The following U2AF2 variants were observed in gnomAD, a reference collection of about 807,000 sequenced individuals.
The protein encoded by U2AF2 is splicing factor U2AF 65 kDa subunit.
Under a neutral mutation model 52.6 loss-of-function variants are expected in U2AF2, and 6 were observed. That is an observed-to-expected ratio of 0.11 (90% CI 0.06 to 0.23). The LOEUF (loss-of-function observed/expected upper bound fraction) is 0.23. U2AF2 is among the 10% of genes least tolerant of loss of function. The probability of loss-of-function intolerance (pLI) is 1.00; values close to 1 mark genes in which losing one functional copy is unlikely to be tolerated. For missense variants in U2AF2, 222 were observed against 677.1 expected, an observed-to-expected ratio of 0.33 and a Z score of 7.46; for synonymous variants, 284 against 258.2, an observed-to-expected ratio of 1.10 and a Z score of -0.96.
intron 3 of U2AF2, 129 bp downstream of exon 3, chr19:55,660,350 C>T: frequency 1.7e-6 from 2 of 1,186,998 alleles, no homozygotes; most frequent in Non-Finnish European, 2.4e-6. Context: ...ACCTTGAAAC[C>T]AGCACCCCTT....
intron 4 of U2AF2, 123 bp downstream of exon 4, chr19:55,660,742 CT>C: frequency 1.0e-6 from 1 of 976,738 alleles, no homozygotes; most frequent in Admixed American, 2.8e-5. Context: ...TTGCACACCC[CT>C]GGGGGTTCTG....
rs1821194218 is a variant in U2AF2, at chr19:55,668,480, TG to T, written c.743-26del. ...TTGGGAGATAACCTGGTACTGGAATTGAAGTCCTCCTCTTCTCTACCCATAG... is the reference window on the plus strand; with the variant it reads ...TTGGGAGATAACCTGGTACTGGAATTAAGTCCTCCTCTTCTCTACCCATAG... On this transcript the variant is annotated intron_variant, in intron 7 of 11. Transcript: ENST00000308924. The surrounding 1 kb of genome is among the most constrained non-coding windows in gnomAD (Gnocchi z 5.5). 6.5e-7 allele frequency: 1 copy of T among 1,549,730 alleles called. No individual in the cohort carries two copies. The highest frequency in any genetic ancestry group is 1.4e-5 in the African/African-American group (1 of 72,964).
In U2AF2 at chr19:55,669,567, C is replaced by G; in HGVS notation, c.1168C>G (p.Leu390Val). The G allele has an allele frequency of 6.2e-7, 1 of 1,613,956 alleles. No individual in the cohort carries two copies. Among genetic ancestry groups the G allele is most frequent in the Non-Finnish European group, 8.5e-7 (1 of 1,179,918 alleles). The change falls in exon 11 of 12, where the codon CTG becomes GTG. Residue 390 changes from leucine to valine, a missense_variant. This residue lies in a region of U2AF2 where 71 missense variants were observed against 180.6 expected (regional missense o/e 0.39). Coordinates refer to ENST00000308924, the MANE Select transcript of U2AF2 (RefSeq NM_007279.3). ...GAACATGGTGCTGCCTGAGGAGCTG[C>G]TGGACGACGAGGAGTATGAGGAGAT... ...LMNMVLPEELLDDEEYEEIVE... is the reference protein window; with the variant it reads ...LMNMVLPEELVDDEEYEEIVE...
Position 55,660,518 on chromosome 19 carries a change from G to A in U2AF2, c.233G>A (p.Arg78His), listed in dbSNP as rs1286879775. ...CTCTCCCCTCCCACCTCCCCCAGTCGTTCCCCCCGCCACGAGAAGAAGAAG... is the reference window on the plus strand; with the variant it reads ...CTCTCCCCTCCCACCTCCCCCAGTCATTCCCCCCGCCACGAGAAGAAGAAG... ...GAKEEHGGLI[R>H]SPRHEKKKKV... The change falls in exon 4 of 12, where the codon CGT becomes CAT. Residue 78 changes from arginine to histidine, a missense_variant and splice_region_variant. Around this residue, in one of 4 missense-constraint regions of U2AF2, gnomAD observed 100 missense variants for 144.1 expected, o/e 0.69. Transcript: ENST00000308924. 4.4e-6 allele frequency: 6 copies of A among 1,376,508 alleles called. No individual in the cohort carries two copies. Among genetic ancestry groups the A allele is most frequent in the Non-Finnish European group, 2.9e-6 (3 of 1,037,998 alleles). 85.3% of individuals were successfully genotyped at this position (1,376,508 alleles called of 1,614,324 possible).
chr19:55,668,541 C>T lies in U2AF2; in HGVS notation c.777C>T (p.His259=), dbSNP rs762625317. 6.2e-7 allele frequency: 1 copy of T among 1,608,250 alleles called. No individual in the cohort carries two copies. The highest frequency in any genetic ancestry group is 1.1e-5 in the South Asian group (1 of 90,034). Residue 259 remains histidine (H), a synonymous_variant, in exon 8 of 12, where the codon CAC becomes CAT. Coordinates refer to ENST00000308924, the MANE Select transcript of U2AF2 (RefSeq NM_007279.3). The surrounding 1 kb of genome is among the most constrained non-coding windows in gnomAD (Gnocchi z 5.5). ...VVSTVVPDSA[H]KLFIGGLPNY... ...CCACTGTGGTCCCCGACTCTGCCCACAAGCTGTTCATCGGGGGCTTACCCA... is the reference window on the plus strand; with the variant it reads ...CCACTGTGGTCCCCGACTCTGCCCATAAGCTGTTCATCGGGGGCTTACCCA...
chr19:55,659,990 A>C (rs1984061416), intron 2 of U2AF2, among the ~76,000 whole-genome samples, 187 bp from the exon 3 acceptor site: 2 of 144,212 alleles, frequency 1.4e-5, no homozygotes, highest in Non-Finnish European at 1.5e-5. Flanking sequence ...TCCTTTCCTC[A>C]CTTCCTCTTT....
chr19:55,658,624 C>T (rs1418652838), intron 1 of U2AF2, among the ~76,000 whole-genome samples: 1 of 152,164 alleles, frequency 6.6e-6, no homozygotes, highest in Non-Finnish European at 1.5e-5. Flanking sequence ...CCCCTTCAGT[C>T]TGCAGATTCT....
intron 4 of U2AF2, among the ~76,000 whole-genome samples, 171 bp from the exon 5 acceptor site, chr19:55,660,867 C>G (rs1303714319): frequency 6.6e-6 from 1 of 152,088 alleles, no homozygotes. Flanking sequence ...TTCTGAGGAG[C>G]AGCAGTTACT....
intron 5 of U2AF2, among the ~76,000 whole-genome samples, chr19:55,661,537 CACACAG>C (rs1568550219): frequency 7.8e-6 from 1 of 128,754 alleles, no homozygotes; most frequent in South Asian, 2.5e-4. Flanking sequence ...CACACACACA[CACACAG>C]ACGCACGCTG....
chr19:55,659,370 G>T (rs1442184945), intron 2 of U2AF2, 25 bp downstream of exon 2: 3 of 1,463,352 alleles, frequency 2.1e-6, no homozygotes, highest in Non-Finnish European at 2.7e-6. Context: ...GGATCCCCTG[G>T]GCCAGCCTGG....
At chr19:55,661,669 C>G (rs1486197554) in intron 5 of U2AF2, 1 of 160,456 alleles carries the variant, frequency 6.2e-6, no homozygotes, top group African/African-American at 2.4e-5. Flanking sequence ...TGACCTCCCC[C>G]TTCCCCACCA....
intron 7 of U2AF2, among the ~76,000 whole-genome samples, chr19:55,667,797 T>C (rs1390333583): frequency 6.6e-6 from 1 of 151,690 alleles, no homozygotes; most frequent in Non-Finnish European, 1.5e-5. Flanking sequence ...TTTTTTTTTT[T>C]TCCTTTGAGA....
At chr19:55,655,524 T>A (rs1305785991) in intron 1 of U2AF2, among the ~76,000 whole-genome samples, 1 of 152,256 alleles carries the variant, frequency 6.6e-6, no homozygotes, top group African/African-American at 2.4e-5. Flanking sequence ...CCCCGTAATC[T>A]CTTTTCTCCC....
intron 4 of U2AF2, 72 bp downstream of exon 4, chr19:55,660,691 T>C (rs927422294): frequency 8.5e-6 from 12 of 1,414,102 alleles, no homozygotes; most frequent in Non-Finnish European, 1.1e-5. Context: ...GTCATTCCCC[T>C]GCGTGTGTGC....
Position 55,674,125 on chromosome 19 carries a change from C to A in U2AF2, c.*57C>A. ...GCTGGGGGCTTCTCCCCACTCCCGC[C>A]CCCCCCTTATCCCCCTCTGAAGACG... On this transcript the variant is annotated 3_prime_UTR_variant, in exon 12 of 12. Transcript: ENST00000308924. The A allele has an allele frequency of 6.6e-7, 1 of 1,526,320 alleles. No homozygotes were observed. Among genetic ancestry groups the A allele is most frequent in the South Asian group, 1.3e-5 (1 of 79,574 alleles). The allele number at this position is 1,526,320 out of a possible 1,614,324, so 94.5% of individuals were successfully genotyped here.
At chr19:55,662,481 T>A in intron 5 of U2AF2, 21 bp from the exon 6 acceptor site, 12 of 545,542 alleles carry the variant, frequency 2.2e-5, no homozygotes, top group East Asian at 5.6e-5. Flanking sequence ...CCCCCCCCCT[T>A]GTCTCCTATT....
At chr19:55,673,137 T>G (rs1467297545) in intron 11 of U2AF2, among the ~76,000 whole-genome samples, 2 of 152,004 alleles carry the variant, frequency 1.3e-5, no homozygotes, top group African/African-American at 4.8e-5. Flanking sequence ...CATGCTGGTC[T>G]TGAACTCCTG....
At chr19:55,669,748 G>A (rs146566743) in intron 11 of U2AF2, 56 bp downstream of exon 11, 56 of 1,516,036 alleles carry the variant, frequency 3.7e-5, no homozygotes, top group African/African-American at 2.5e-4. Context: ...TCTTCTCCGC[G>A]CCCTCTTTCT....
At chr19:55,659,116 C>T (rs1229479726) in intron 1 of U2AF2, 94 bp from the exon 2 acceptor site, 1 of 1,387,060 alleles carries the variant, frequency 7.2e-7, no homozygotes, top group Non-Finnish European at 9.4e-7. Flanking sequence ...GGTGGCCTCC[C>T]TGGGGCTTGG....
Sources: gnomAD v4.1 joint callset for allele counts (sites outside exome capture counted in the v4.1 genomes callset) on GRCh38, gnomAD v4.1.1 for gene constraint, gnomAD v4.1.1 regional missense constraint, Gnocchi (gnomAD v3.1) non-coding constraint, MANE v1.5 for transcripts, NCBI Gene and HGNC (gene_info 2026-07-23, HGNC 2026-07-21) for gene names.